Variants in WDR70 observed in about 807,000 individuals in gnomAD.
WDR70 encodes the protein WD repeat-containing protein 70.
Under a neutral mutation model 88.6 loss-of-function variants are expected in WDR70, and 53 were observed. The observed-to-expected ratio is 0.60, with a 90% confidence interval of 0.48 to 0.75. The LOEUF (loss-of-function observed/expected upper bound fraction) is 0.75, where lower values mean the gene tolerates loss of function less well. Ranked by LOEUF, WDR70 falls within the 30% of genes least tolerant of loss-of-function variation. WDR70 has a pLI of 0.00. For missense variants in WDR70, 610 were observed against 823.2 expected, an observed-to-expected ratio of 0.74 and a Z score of 3.17; for synonymous variants, 280 against 270.0, an observed-to-expected ratio of 1.04 and a Z score of -0.36.
intron 10 of WDR70, among the ~76,000 whole-genome samples, chr5:37,638,722 C>G (rs565430019): frequency 6.6e-6 from 1 of 152,246 alleles, no homozygotes; most frequent in African/African-American, 2.4e-5. Flanking sequence ...GATCAGAGAT[C>G]AGATTTTGTT....
intron 8 of WDR70, among the ~76,000 whole-genome samples, chr5:37,492,532 T>C (rs2112195705): frequency 6.6e-6 from 1 of 152,334 alleles, no homozygotes; most frequent in African/African-American, 2.4e-5. Flanking sequence ...TTGTCTTCAG[T>C]GGATCCAGCC....
At chr5:37,509,392 T>C in intron 8 of WDR70, among the ~76,000 whole-genome samples, 1 of 152,002 alleles carries the variant, frequency 6.6e-6, no homozygotes, top group East Asian at 1.9e-4. Flanking sequence ...ACTTTTTTCT[T>C]ACTGGCTTCT....
Position 37,509,614 on chromosome 5 carries a change from T to A in WDR70, c.841-6900T>A, listed in dbSNP as rs1740658079. ...TAGAATATGATTTTAGTGAATTTTC[T>A]GTGTGCACTTGTAAGGAATGTGTAC... On this transcript the variant is annotated intron_variant, in intron 8 of 17. Transcript: ENST00000265107. 3.9e-5 allele frequency among the ~76,000 whole-genome samples: 6 copies of A among 152,300 alleles called. No homozygotes were observed. In the South Asian group the frequency reaches 1.2e-3, roughly 32 times the overall value.
chr5:37,514,621 C>T (rs1249797237), intron 8 of WDR70, among the ~76,000 whole-genome samples: 3 of 151,744 alleles, frequency 2.0e-5, no homozygotes, highest in Admixed American at 1.3e-4. Flanking sequence ...TCGTTCAGCT[C>T]CCACTTATAA....
intron 10 of WDR70, among the ~76,000 whole-genome samples, chr5:37,660,810 A>G (rs1424957447): frequency 6.6e-6 from 1 of 152,332 alleles, no homozygotes; most frequent in Non-Finnish European, 1.5e-5. Context: ...TTGGCCCAAC[A>G]TATATTCAGG....
intron 13 of WDR70, among the ~76,000 whole-genome samples, chr5:37,716,240 C>CT (rs1323176123): frequency 6.4e-4 from 97 of 152,186 alleles, no homozygotes; most frequent in Admixed American, 1.1e-3. Context: ...GTTATGAAGG[C>CT]TGTTGGCTTT....
At chr5:37,387,090 ACT>A (rs1212279272) in intron 3 of WDR70, among the ~76,000 whole-genome samples, 2 of 139,444 alleles carry the variant, frequency 1.4e-5, no homozygotes, top group Non-Finnish European at 3.0e-5. Flanking sequence ...CGAGAGCAAA[ACT>A]CTGTCTAAAA....
intron 9 of WDR70, among the ~76,000 whole-genome samples, chr5:37,538,157 T>C (rs1741715572): frequency 6.6e-6 from 1 of 152,168 alleles, no homozygotes; most frequent in Non-Finnish European, 1.5e-5. Flanking sequence ...TAAATTAGGA[T>C]CATTTTAGCA....
At chr5:37,680,825 G>A (rs973385253) in intron 10 of WDR70, among the ~76,000 whole-genome samples, 1 of 152,186 alleles carries the variant, frequency 6.6e-6, no homozygotes, top group African/African-American at 2.4e-5. Flanking sequence ...TGTGAGTTGG[G>A]TAGTGTGATG....
chr5:37,546,293 T>C (rs1486344779), intron 9 of WDR70, among the ~76,000 whole-genome samples: 4 of 152,236 alleles, frequency 2.6e-5, no homozygotes, highest in Non-Finnish European at 4.4e-5. Flanking sequence ...GTAAGTTTTA[T>C]GTAATTTTTA....
At chr5:37,671,339 A>G (rs1441493651) in intron 10 of WDR70, among the ~76,000 whole-genome samples, 1 of 152,206 alleles carries the variant, frequency 6.6e-6, no homozygotes, top group East Asian at 1.9e-4. Context: ...GATAGACTTA[A>G]TAAACCTGTA....
chr5:37,732,883 G>A (rs1748191534), intron 17 of WDR70, among the ~76,000 whole-genome samples: 1 of 151,768 alleles, frequency 6.6e-6, no homozygotes, highest in Non-Finnish European at 1.5e-5. Flanking sequence ...GCACTTTTGG[G>A]GTTTTATTTA....
At chr5:37,457,145 G>C (rs1738866665) in intron 7 of WDR70, among the ~76,000 whole-genome samples, 1 of 152,130 alleles carries the variant, frequency 6.6e-6, no homozygotes, top group Non-Finnish European at 1.5e-5. Flanking sequence ...GCCTGGGCTG[G>C]AGTGCGGTGG....
intron 17 of WDR70, among the ~76,000 whole-genome samples, chr5:37,729,775 TG>T (rs1428476110): frequency 1.3e-5 from 2 of 152,202 alleles, no homozygotes; most frequent in African/African-American, 4.8e-5. Flanking sequence ...GTTTATTTTT[TG>T]GAGTGTGTGA....
intron 10 of WDR70, among the ~76,000 whole-genome samples, chr5:37,668,897 A>G (rs1437460848): frequency 6.6e-6 from 1 of 152,242 alleles, no homozygotes; most frequent in Non-Finnish European, 1.5e-5. Flanking sequence ...CTGAAATCCC[A>G]GTGGTTGCAA....
chr5:37,420,564 T>A (rs1023252637), intron 5 of WDR70, among the ~76,000 whole-genome samples: 5 of 152,184 alleles, frequency 3.3e-5, no homozygotes, highest in Non-Finnish European at 5.9e-5. Context: ...TCTAGCCTCC[T>A]GAGCAGCTAG....
chr5:37,498,299 G>C (rs1053430462), intron 8 of WDR70, among the ~76,000 whole-genome samples: 1 of 152,088 alleles, frequency 6.6e-6, no homozygotes, highest in Non-Finnish European at 1.5e-5. Context: ...TTCTTTACTT[G>C]ACTTTGAATT....
intron 10 of WDR70, among the ~76,000 whole-genome samples, chr5:37,629,755 A>G (rs1248462730): frequency 6.6e-6 from 1 of 152,074 alleles, no homozygotes; most frequent in Non-Finnish European, 1.5e-5. Context: ...ATTATTTTGA[A>G]TTCTTTTTCT....
chr5:37,752,378 T>C (rs1748839616), intron 17 of WDR70, 108 bp from the exon 18 acceptor site: 4 of 683,928 alleles, frequency 5.8e-6, no homozygotes, highest in Non-Finnish European at 1.0e-5. Context: ...ATAATTGAGT[T>C]GTAATTTATT....
Sources: allele counts gnomAD v4.1 joint callset (sites outside exome capture counted in the v4.1 genomes callset), GRCh38; gene constraint gnomAD v4.1.1; transcripts MANE v1.5; gene names NCBI Gene and HGNC (gene_info 2026-07-23, HGNC 2026-07-21).